HEPHL1: variants seen among roughly 807,000 people sequenced by gnomAD.
HEPHL1 encodes the protein hephaestin like 1.
Under a neutral mutation model 122.0 loss-of-function variants are expected in HEPHL1, and 123 were observed. That is an observed-to-expected ratio of 1.01 (90% CI 0.87 to 1.17). The LOEUF (loss-of-function observed/expected upper bound fraction) is 1.17, where lower values mean the gene tolerates loss of function less well. Ranked by LOEUF, HEPHL1 falls within the 50% of genes most tolerant of loss-of-function variation. The pLI, the probability that HEPHL1 is intolerant of heterozygous loss-of-function variation, is 0.00. For missense variants in HEPHL1, 1,452 were observed against 1,430.5 expected, an observed-to-expected ratio of 1.01 and a Z score of -0.24; for synonymous variants, 527 against 508.9, an observed-to-expected ratio of 1.04 and a Z score of -0.48.
chr11:94,045,801 T>G lies in HEPHL1; in HGVS notation c.299T>G (p.Leu100Arg). ...CCCAAACCTCCCTGGCTTGGATTCC[T>G]GGGCCCCATCTTGAGGGCCGAAGTG... ...EIPKPPWLGFLGPILRAEVGD... is the reference protein window; with the variant it reads ...EIPKPPWLGFRGPILRAEVGD... The change falls in exon 2 of 20, where the codon CTG becomes CGG. Residue 100 changes from leucine (L) to arginine (R), a missense_variant. Transcript: ENST00000315765. The G allele has an allele frequency of 6.2e-7, 1 of 1,613,990 alleles. No individual in the cohort carries two copies. The highest frequency in any genetic ancestry group is 8.5e-7 in the Non-Finnish European group (1 of 1,179,894).
At chr11:94,111,153 A>G (rs2134456880) in intron 18 of HEPHL1, 88 bp downstream of exon 18, 2 of 1,045,856 alleles carry the variant, frequency 1.9e-6, no homozygotes, top group Non-Finnish European at 2.8e-6. Flanking sequence ...ACCCAGATAT[A>G]GCCCTCAACA....
chr11:94,105,176 T>A (rs2134453662), intron 16 of HEPHL1, among the ~76,000 whole-genome samples: 1 of 152,360 alleles, frequency 6.6e-6, no homozygotes, highest in South Asian at 2.1e-4. Flanking sequence ...CTACATAATT[T>A]AAGGTAGTTT....
intron 11 of HEPHL1, among the ~76,000 whole-genome samples, chr11:94,087,012 T>G (rs185851871): frequency 6.6e-6 from 1 of 152,354 alleles, no homozygotes; most frequent in Non-Finnish European, 1.5e-5. Context: ...GGAACTGCAG[T>G]TTAGATGTCT....
chr11:94,112,869 A>G lies in HEPHL1; in HGVS notation c.*975A>G, dbSNP rs1946462612. ...ACAAGTCCTCATCTTCTATGAAATT[A>G]TAACATTCTCATTGTATGAGAAACA... is the stretch of plus-strand genomic sequence containing the variant. On this transcript the variant is annotated 3_prime_UTR_variant, in exon 20 of 20. Coordinates refer to ENST00000315765, the MANE Select transcript of HEPHL1 (RefSeq NM_001098672.2). 1.3e-5 allele frequency: 2 copies of G among 152,282 alleles called. No individual in the cohort carries two copies. Among genetic ancestry groups the G allele is most frequent in the Middle Eastern group, 3.4e-3 (1 of 294 alleles). The allele number at this position is 152,282 out of a possible 1,614,324, so 9.4% of individuals were successfully genotyped here.
At chr11:94,061,495 A>G (rs1335871028) in intron 2 of HEPHL1, among the ~76,000 whole-genome samples, 1 of 152,190 alleles carries the variant, frequency 6.6e-6, no homozygotes, top group African/African-American at 2.4e-5. Flanking sequence ...CCTATGAGTC[A>G]AGGAGGGAGG....
At chr11:94,084,079 C>T (rs1002265163) in intron 10 of HEPHL1, among the ~76,000 whole-genome samples, 1 of 152,070 alleles carries the variant, frequency 6.6e-6, no homozygotes, top group African/African-American at 2.4e-5. Flanking sequence ...AATCCCAGCA[C>T]TTTGGGAGGT....
chr11:94,039,601 C>T (rs1945757021), intron 1 of HEPHL1, among the ~76,000 whole-genome samples: 1 of 151,844 alleles, frequency 6.6e-6, no homozygotes, highest in Non-Finnish European at 1.5e-5. Context: ...GGAAACTGAA[C>T]AACCTGCTCC....
intron 1 of HEPHL1, among the ~76,000 whole-genome samples, chr11:94,025,896 C>T (rs1214931804): frequency 6.6e-6 from 1 of 152,116 alleles, no homozygotes; most frequent in Non-Finnish European, 1.5e-5. Context: ...GGACTGATGC[C>T]ATATGAATCT....
intron 12 of HEPHL1, 53 bp from the exon 13 acceptor site, chr11:94,093,448 C>A: frequency 6.2e-7 from 1 of 1,606,476 alleles, no homozygotes; most frequent in South Asian, 1.1e-5. Context: ...TAGAAGCGCT[C>A]AAAGCTTTTC....
In HEPHL1 at chr11:94,085,992, T is replaced by A. The variant is rs749632577; in HGVS notation, c.1883T>A (p.Met628Lys). Residue 628 changes from methionine to lysine, a missense_variant, in exon 11 of 20, where the codon ATG (methionine) becomes AAG (lysine). Physicochemically the swap from Met to Lys is moderately conservative, Grantham distance 95. Transcript: ENST00000315765. ...TTCCATTTAGCTGTTAACGGCTACA[T>A]GTATGGCAACCAGCCAGGCTTAAAC... ...SNRMHAVNGY[M>K]YGNQPGLNMC... 6.2e-7 allele frequency: 1 copy of A among 1,613,788 alleles called. No homozygotes were observed.
At chr11:94,087,235 G>A (rs77020484) in intron 11 of HEPHL1, among the ~76,000 whole-genome samples, 3,643 of 152,184 alleles carry the variant, frequency 0.024, 150 homozygotes, top group African/African-American at 0.084. Context: ...ACCAAAGAGA[G>A]GAGGGGATTG....
chr11:94,062,871 T>A (rs1360035855), intron 2 of HEPHL1, among the ~76,000 whole-genome samples: 1 of 152,208 alleles, frequency 6.6e-6, no homozygotes, highest in Non-Finnish European at 1.5e-5. Flanking sequence ...CCCTGCCCAC[T>A]CTGTGGTGGA....
chr11:94,082,989 T>C (rs1386042313), intron 10 of HEPHL1, among the ~76,000 whole-genome samples: 1 of 151,584 alleles, frequency 6.6e-6, no homozygotes, highest in Non-Finnish European at 1.5e-5. Context: ...CTCAGGAGGC[T>C]GAGGCAGGAG....
intron 9 of HEPHL1, among the ~76,000 whole-genome samples, chr11:94,079,358 T>C (rs1458242178): frequency 6.6e-6 from 1 of 152,206 alleles, no homozygotes; most frequent in Non-Finnish European, 1.5e-5. Context: ...ATTTTGATCC[T>C]TTATGTTCTT....
rs539675444 is a variant in HEPHL1, at chr11:94,032,272, C to T, written c.170+10734C>T. Reference sequence around the variant, plus strand: ...CCCTTAATCTGGCTCAGCTGAAAACCGTGGGGGATTCTCCAGCCTCCGAGG... The same window carrying T: ...CCCTTAATCTGGCTCAGCTGAAAACTGTGGGGGATTCTCCAGCCTCCGAGG... On this transcript the variant is annotated intron_variant, in intron 1 of 19. Coordinates refer to ENST00000315765, the MANE Select transcript of HEPHL1 (RefSeq NM_001098672.2). Among the ~76,000 whole-genome samples, 74 of 152,214 alleles carry T rather than the reference C, an allele frequency of 4.9e-4. 1 individual carries two copies. The South Asian group carries it at 5.4e-3, about 11-fold the overall frequency.
intron 13 of HEPHL1, among the ~76,000 whole-genome samples, chr11:94,099,090 T>C (rs189247728): frequency 6.6e-6 from 1 of 152,338 alleles, no homozygotes; most frequent in African/African-American, 2.4e-5. Context: ...AGAGGCACTC[T>C]GATTTTTAGA....
intron 11 of HEPHL1, among the ~76,000 whole-genome samples, chr11:94,088,477 A>T (rs1946235882): frequency 6.6e-6 from 1 of 152,202 alleles, no homozygotes; most frequent in Non-Finnish European, 1.5e-5. Flanking sequence ...TGTGAATTAT[A>T]TGGGAGACCC....
At chr11:94,097,984 G>T (rs532935644) in intron 13 of HEPHL1, among the ~76,000 whole-genome samples, 1 of 152,104 alleles carries the variant, frequency 6.6e-6, no homozygotes, top group Non-Finnish European at 1.5e-5. Flanking sequence ...GCCAGTCTTT[G>T]TCTTTTAATT....
At chr11:94,082,018 G>A (rs992488467) in intron 9 of HEPHL1, among the ~76,000 whole-genome samples, 5 of 152,162 alleles carry the variant, frequency 3.3e-5, no homozygotes, top group African/African-American at 7.2e-5. Context: ...TGGTGTGTTC[G>A]TGGAAGGGCA....
Sources: allele counts gnomAD v4.1 joint callset (sites outside exome capture counted in the v4.1 genomes callset), GRCh38; gene constraint gnomAD v4.1.1; transcripts MANE v1.5; gene names NCBI Gene and HGNC (gene_info 2026-07-23, HGNC 2026-07-21).